MTMR3: variants seen among roughly 807,000 people sequenced by gnomAD.
MTMR3 encodes the protein phosphatidylinositol-3,5-bisphosphate 3-phosphatase MTMR3.
In MTMR3, 32 loss-of-function variants were observed where a neutral mutation model predicts 132.4. That is an observed-to-expected ratio of 0.24 (90% CI 0.18 to 0.32). MTMR3 has a LOEUF of 0.32. MTMR3 is among the 10% of genes least tolerant of loss of function. MTMR3 has a pLI of 1.00. For missense variants in MTMR3, 1,216 were observed against 1,489.6 expected (o/e 0.82, Z 3.02); for synonymous variants, 556 against 550.3 (o/e 1.01, Z -0.14).
At chr22:29,903,060 A>G (rs2065030926) in intron 1 of MTMR3, among the ~76,000 whole-genome samples, 1 of 152,194 alleles carries the variant, frequency 6.6e-6, no homozygotes, top group African/African-American at 2.4e-5. Context: ...TCTTGTCTCT[A>G]CTAAAAACAC....
Position 29,978,922 on chromosome 22 carries a change from C to A in MTMR3, c.94-14C>A. ...ACTGCTTCAGAACTCTGAAGGGTTT[C>A]TTTCATTTCGAAGGTTCCTTTCCTT... On this transcript the variant is annotated splice_polypyrimidine_tract_variant and intron_variant, in intron 4 of 19. Coordinates refer to ENST00000401950, the MANE Select transcript of MTMR3 (RefSeq NM_021090.4). The A allele has an allele frequency of 6.4e-7, 1 of 1,573,736 alleles. No homozygotes were observed. The highest frequency in any genetic ancestry group is 8.7e-7 in the Non-Finnish European group (1 of 1,146,250).
rs187668394 is a variant in MTMR3 at position 30,011,490 on chromosome 22, G to A, written c.1122-878G>A. On this transcript the variant is annotated intron_variant, in intron 12 of 19. Transcript: ENST00000401950. ...TGATTCTCCTGCCTCAGCCTCCTGAGTAGCTGGGATTACAGGCGTGTGCCA... is the reference window on the plus strand; with the variant it reads ...TGATTCTCCTGCCTCAGCCTCCTGAATAGCTGGGATTACAGGCGTGTGCCA... 1,266 of 152,492 alleles carry A rather than the reference G, an allele frequency of 8.3e-3. 18 individuals carry two copies. The highest frequency in any genetic ancestry group is 0.011 in the Non-Finnish European group (756 of 68,188). 9.4% of individuals were successfully genotyped at this position (152,492 alleles called of 1,614,324 possible). A position where few individuals can be genotyped will look rare whatever the true frequency, so the allele number is the denominator to read the frequency against.
intron 3 of MTMR3, 33 bp downstream of exon 3, chr22:29,971,095 A>G (rs577433778): frequency 1.3e-6 from 2 of 1,579,892 alleles, no homozygotes; most frequent in Admixed American, 1.9e-5. Context: ...AAAAAAAAAA[A>G]CAAAAAACCC....
intron 1 of MTMR3, among the ~76,000 whole-genome samples, chr22:29,924,537 T>C (rs1376965422): frequency 6.6e-6 from 1 of 152,226 alleles, no homozygotes; most frequent in Non-Finnish European, 1.5e-5. Flanking sequence ...ACTTTGGCTA[T>C]TCGGGGTTCT....
intron 1 of MTMR3, among the ~76,000 whole-genome samples, chr22:29,903,982 A>G (rs998686894): frequency 1.3e-5 from 2 of 152,182 alleles, no homozygotes; most frequent in African/African-American, 2.4e-5. Flanking sequence ...GTTTCACATT[A>G]AAATACCTGC....
chr22:30,013,641 T>C, intron 14 of MTMR3, 100 bp downstream of exon 14: 1 of 1,142,234 alleles, frequency 8.8e-7, no homozygotes, highest in Non-Finnish European at 1.2e-6. Context: ...CTCTTCAGAA[T>C]TTAATAGAGG....
chr22:29,998,995 CAG>C lies in MTMR3; in HGVS notation c.557+141_557+142del. The stretch of plus-strand genomic sequence containing the variant: ...TTATTAAATCTAAAGGCATGATCTT[CAG>C]AGTATTTATTGAATCTTCTGTTCCC... On this transcript the variant is annotated intron_variant, in intron 8 of 19. Coordinates refer to ENST00000401950, the MANE Select transcript of MTMR3 (RefSeq NM_021090.4). 1.1e-5 allele frequency: 6 copies of C among 536,976 alleles called. No homozygotes were observed. The South Asian group carries it at 1.6e-4, about 15-fold the overall frequency. 33.3% of individuals were successfully genotyped at this position (536,976 alleles called of 1,614,324 possible).
chr22:30,019,297 A>G, intron 16 of MTMR3, 183 bp from the exon 17 acceptor site: 2 of 607,962 alleles, frequency 3.3e-6, no homozygotes, highest in Non-Finnish European at 2.9e-6. Flanking sequence ...TCTGCACACT[A>G]GGAGGACTTG....
intron 1 of MTMR3, among the ~76,000 whole-genome samples, chr22:29,914,698 TTTA>T (rs2145755340): frequency 6.6e-6 from 1 of 152,316 alleles, no homozygotes; most frequent in East Asian, 1.9e-4. Context: ...TTTCTTAAAT[TTTA>T]TTCTGGAAGT....
intron 3 of MTMR3, among the ~76,000 whole-genome samples, chr22:29,972,486 T>C (rs2066554666): frequency 6.6e-6 from 1 of 152,220 alleles, no homozygotes; most frequent in South Asian, 2.1e-4. Flanking sequence ...TCTTTTGTTT[T>C]TGTTTAGTTT....
Position 30,020,121 on chromosome 22 carries a change from G to T in MTMR3, c.2462G>T (p.Gly821Val). Residue 821 changes from glycine (G) to valine (V), a missense_variant, in exon 17 of 20, where the codon GGT (glycine) becomes GTT (valine). Physicochemically the swap from Gly to Val is moderately radical, Grantham distance 109 (BLOSUM62 -3). This residue lies in a region of MTMR3 where 852 missense variants were observed against 852.0 expected (regional missense o/e 1.00). Coordinates refer to ENST00000401950, the MANE Select transcript of MTMR3 (RefSeq NM_021090.4). ...CCAGTAGATGCAAAAGTTGGCTATG[G>T]TACCTCACAGTCATGTTCTCTGCTA... ...PIPVDAKVGY[G>V]TSQSCSLLPS... is the part of the protein sequence containing the mutation. 6.2e-7 allele frequency: 1 copy of T among 1,614,214 alleles called. No individual in the cohort carries two copies. Among genetic ancestry groups the T allele is most frequent in the Non-Finnish European group, 8.5e-7 (1 of 1,180,048 alleles).
At chr22:29,952,213 A>AT (rs920643317) in intron 1 of MTMR3, among the ~76,000 whole-genome samples, 2 of 151,924 alleles carry the variant, frequency 1.3e-5, no homozygotes, top group Non-Finnish European at 1.5e-5. Flanking sequence ...AACTTACTAG[A>AT]TTTTTTTCCC....
At chr22:29,967,173 A>G (rs2066437745) in intron 2 of MTMR3, among the ~76,000 whole-genome samples, 1 of 146,718 alleles carries the variant, frequency 6.8e-6, no homozygotes, top group Non-Finnish European at 1.5e-5. Context: ...GTTTGATTAT[A>G]TTGTTACTCT....
chr22:30,011,270 A>C (rs570763131), intron 12 of MTMR3: 13 of 152,298 alleles, frequency 8.5e-5, no homozygotes, highest in African/African-American at 3.1e-4. Flanking sequence ...AGGGATTGGG[A>C]GGGGTGAGGG....
chr22:29,913,705 T>C (rs1054694601), intron 1 of MTMR3, among the ~76,000 whole-genome samples: 1 of 152,026 alleles, frequency 6.6e-6, no homozygotes, highest in Non-Finnish European at 1.5e-5. Flanking sequence ...TTCCTTTATT[T>C]ACTAGTTAAT....
Position 30,019,823 on chromosome 22 carries a change from C to T in MTMR3, c.2164C>T (p.Leu722Phe), listed in dbSNP as rs142760168. Residue 722 changes from leucine to phenylalanine, a missense_variant, in exon 17 of 20, where the codon CTC becomes TTC. Leu to Phe is a conservative substitution (Grantham distance 22). Transcript: ENST00000401950. ...IEIQEGKEDP[L>F]LEKESRRKTP... Reference sequence around the variant, plus strand: ...GATACAGGAGGGTAAAGAGGACCCTCTCTTAGAAAAGGAGAGCAGGAGGAA... The same window carrying T: ...GATACAGGAGGGTAAAGAGGACCCTTTCTTAGAAAAGGAGAGCAGGAGGAA... 7.2e-5 allele frequency: 116 copies of T among 1,614,046 alleles called. No individual in the cohort carries two copies. Among genetic ancestry groups the T allele is most frequent in the Non-Finnish European group, 9.4e-5 (111 of 1,180,026 alleles).
intron 5 of MTMR3, 90 bp downstream of exon 5, chr22:29,979,142 G>A: frequency 3.5e-6 from 3 of 861,458 alleles, no homozygotes; most frequent in Middle Eastern, 4.8e-4. Context: ...GAGGCATACA[G>A]AATTGGGAGA....
rs2067714061 is a variant in MTMR3 at position 30,020,399 on chromosome 22, C to T, written c.2740C>T (p.Pro914Ser). The T allele has an allele frequency of 1.2e-6, 2 of 1,614,208 alleles. No individual in the cohort carries two copies. Among genetic ancestry groups the T allele is most frequent in the South Asian group, 1.1e-5 (1 of 91,088 alleles). Residue 914 changes from proline to serine, a missense_variant, in exon 17 of 20, where the codon CCT (proline) becomes TCT (serine). This residue lies in a region of MTMR3 where 852 missense variants were observed against 852.0 expected (regional missense o/e 1.00). Transcript: ENST00000401950. Reference sequence around the variant, plus strand: ...CAGCACTCTCAGCCTGACACGTTCCCCTTGTGCCTTGCCTTTAGCCGAATG... The same window carrying T: ...CAGCACTCTCAGCCTGACACGTTCCTCTTGTGCCTTGCCTTTAGCCGAATG... ...LGSTLSLTRS[P>S]CALPLAECKE...
chr22:29,893,703 G>A (rs2064840482), intron 1 of MTMR3, among the ~76,000 whole-genome samples: 1 of 151,770 alleles, frequency 6.6e-6, no homozygotes, highest in Admixed American at 6.6e-5. Context: ...GACCCTGGAT[G>A]GCCATGAATG....
Sources: allele counts gnomAD v4.1 joint callset (sites outside exome capture counted in the v4.1 genomes callset), GRCh38; gene constraint gnomAD v4.1.1; regional missense constraint gnomAD v4.1.1; transcripts MANE v1.5; gene names NCBI Gene and HGNC (gene_info 2026-07-23, HGNC 2026-07-21).